The following EEA1 variants were observed in gnomAD, a reference collection of about 807,000 sequenced individuals.
EEA1 encodes early endosome antigen 1, 162kD.
In EEA1, 111 loss-of-function variants were observed where a neutral mutation model predicts 209.2. That is an observed-to-expected ratio of 0.53 (90% CI 0.45 to 0.62). The LOEUF (loss-of-function observed/expected upper bound fraction) is 0.62. EEA1 is among the 20% of genes least tolerant of loss of function. EEA1 has a pLI of 0.00. For missense variants in EEA1, 1,343 were observed against 1,530.8 expected, an observed-to-expected ratio of 0.88 and a Z score of 2.05; for synonymous variants, 536 against 540.6, an observed-to-expected ratio of 0.99 and a Z score of 0.12.
intron 22 of EEA1, among the ~76,000 whole-genome samples, chr12:92,784,487 G>A (rs919420374): frequency 3.3e-5 from 5 of 152,086 alleles, no homozygotes; most frequent in Non-Finnish European, 5.9e-5. Context: ...AAATACCAAC[G>A]CTTGCTAGAG....
chr12:92,860,563 G>A (rs1878099334), intron 3 of EEA1, among the ~76,000 whole-genome samples: 2 of 152,110 alleles, frequency 1.3e-5, no homozygotes, highest in Non-Finnish European at 2.9e-5. Flanking sequence ...TCAATACCAT[G>A]ATTACCATGA....
chr12:92,919,551 T>TC (rs1880902499), intron 1 of EEA1, among the ~76,000 whole-genome samples: 1 of 150,468 alleles, frequency 6.6e-6, no homozygotes, highest in Non-Finnish European at 1.5e-5. Flanking sequence ...CAACAACCCT[T>TC]CATGCTAAAA....
At position 92,827,947 on chromosome 12, in the gene EEA1, C is replaced by A; in HGVS notation, c.1369G>T (p.Asp457Tyr). The change falls in exon 12 of 29, where the codon GAT becomes TAT. Residue 457 changes from aspartate (D) to tyrosine (Y), a missense_variant. This residue lies in a region of EEA1 where 1,307 missense variants were observed against 1,465.5 expected (regional missense o/e 0.89). Coordinates refer to ENST00000322349, the MANE Select transcript of EEA1 (RefSeq NM_003566.4). ...AACCGAGAAAGTTTGAGTTGTAAAT[C>A]AGCCACTTGTTGTTCTTTATCCATC... ...KLMDKEQQVA[D>Y]LQLKLSRLEE... is the part of the protein sequence containing the mutation. The A allele has an allele frequency of 6.3e-7, 1 of 1,579,572 alleles. No individual in the cohort carries two copies. The highest frequency in any genetic ancestry group is 8.6e-7 in the Non-Finnish European group (1 of 1,165,484).
chr12:92,857,995 C>T (rs955328840), intron 3 of EEA1: 4 of 335,326 alleles, frequency 1.2e-5, no homozygotes, highest in Non-Finnish European at 2.2e-5. Context: ...GAGTAGAATG[C>T]CGTCTGCAAC....
intron 21 of EEA1, among the ~76,000 whole-genome samples, chr12:92,791,149 G>A (rs1211229757): frequency 6.6e-6 from 1 of 152,206 alleles, no homozygotes; most frequent in East Asian, 1.9e-4. Context: ...GGTACAACCG[G>A]TACCAGCCAC....
intron 1 of EEA1, among the ~76,000 whole-genome samples, chr12:92,927,429 T>A (rs577163883): frequency 6.6e-6 from 1 of 152,352 alleles, no homozygotes; most frequent in Admixed American, 6.5e-5. Flanking sequence ...AACAGAAGCT[T>A]CTTTAACAGT....
chr12:92,896,461 T>C lies in EEA1; in HGVS notation c.25-4740A>G, dbSNP rs925785633. On this transcript the variant is annotated intron_variant, in intron 1 of 28. Coordinates refer to ENST00000322349, the MANE Select transcript of EEA1 (RefSeq NM_003566.4). The stretch of plus-strand genomic sequence containing the variant: ...AAAGCATCAGCAGCTTTTCGGAGGA[T>C]TGACTCAAGTTTTGAAGGAAGTTCT... Among the ~76,000 whole-genome samples, 4 of 152,290 alleles carry C rather than the reference T, an allele frequency of 2.6e-5. No individual in the cohort carries two copies. The South Asian group carries it at 6.2e-4, about 24-fold the overall frequency.
chr12:92,807,099 G>A (rs575425328), intron 18 of EEA1, among the ~76,000 whole-genome samples: 7 of 152,114 alleles, frequency 4.6e-5, no homozygotes, highest in African/African-American at 1.4e-4. Flanking sequence ...GATTACAGGC[G>A]TGTGCCACCA....
Position 92,773,527 on chromosome 12 carries a change from GTA to G in EEA1, c.*2482_*2483del, listed in dbSNP as rs1432061655. On this transcript the variant is annotated 3_prime_UTR_variant, in exon 29 of 29. Transcript: ENST00000322349. ...CTTTCTATTAAAAAAAAGTCTGTAG[GTA>G]TAGTTTATTGTACACTAACCCAGCA... is the stretch of plus-strand genomic sequence containing the variant. 6.6e-6 allele frequency: 1 copy of G among 151,882 alleles called. No homozygotes were observed. The highest frequency in any genetic ancestry group is 1.5e-5 in the Non-Finnish European group (1 of 67,616). The allele number at this position is 151,882 out of a possible 1,614,324, so 9.4% of individuals were successfully genotyped here.
chr12:92,788,925 C>A (rs908273180), intron 21 of EEA1, among the ~76,000 whole-genome samples: 12 of 152,136 alleles, frequency 7.9e-5, no homozygotes, highest in Non-Finnish European at 1.8e-4. Context: ...TCCTCTGCTA[C>A]TTCTGTGAAT....
intron 3 of EEA1, among the ~76,000 whole-genome samples, chr12:92,864,419 C>G (rs1341533156): frequency 6.6e-6 from 1 of 151,698 alleles, no homozygotes; most frequent in Non-Finnish European, 1.5e-5. Flanking sequence ...AGAAAAATTA[C>G]CAGGAAACAC....
Position 92,929,042 on chromosome 12 carries a change from C to A in EEA1, c.24+1G>T. ...CCAGAAAGACGGTTTCACTCTCTTA[C>A]CCTCTGTAAAATCCTCCTTAACATG... On this transcript the variant is annotated splice_donor_variant, in intron 1 of 28. Transcript: ENST00000322349. LOFTEE classifies it high-confidence loss of function. 2 of 1,597,084 alleles carry A rather than the reference C, an allele frequency of 1.3e-6. No homozygotes were observed. The highest frequency in any genetic ancestry group is 1.7e-6 in the Non-Finnish European group (2 of 1,172,496).
rs1450852764 is a variant in EEA1, at chr12:92,775,408, G to T, written c.*603C>A. On this transcript the variant is annotated 3_prime_UTR_variant, in exon 29 of 29. Transcript: ENST00000322349. ...TATTGTTAAAACAAAAACCATTTTT[G>T]AATTCATATTACTACATATTTTAAG... The T allele has an allele frequency of 6.6e-6, 1 of 151,664 alleles. No homozygotes were observed. Among genetic ancestry groups the T allele is most frequent in the African/African-American group, 2.4e-5 (1 of 41,342 alleles). 9.4% of individuals were successfully genotyped at this position (151,664 alleles called of 1,614,324 possible). A position where few individuals can be genotyped will look rare whatever the true frequency, so the allele number is the denominator to read the frequency against.
intron 2 of EEA1, among the ~76,000 whole-genome samples, chr12:92,881,855 C>A (rs1256655815): frequency 6.6e-6 from 1 of 152,156 alleles, no homozygotes; most frequent in African/African-American, 2.4e-5. Context: ...GTTATTACAG[C>A]TGACCCTCGA....
intron 3 of EEA1, among the ~76,000 whole-genome samples, chr12:92,857,700 T>TACAGGC (rs1877942814): frequency 6.6e-6 from 1 of 152,190 alleles, no homozygotes; most frequent in Non-Finnish European, 1.5e-5. Context: ...GAAAAAACAT[T>TACAGGC]TTCTCATGGA....
In EEA1 at chr12:92,923,845, C is replaced by CAA. The variant is rs200069645; in HGVS notation, c.24+5196_24+5197dup. Among the ~76,000 whole-genome samples the CAA allele has an allele frequency of 3.1e-3, 234 of 75,200 alleles. 1 individual carries two copies. Among genetic ancestry groups the CAA allele is most frequent in the Middle Eastern group, 0.023 (3 of 132 alleles). 49.3% of individuals were successfully genotyped at this position (75,200 alleles called of 152,430 possible). On this transcript the variant is annotated intron_variant, in intron 1 of 28. Transcript: ENST00000322349. Reference sequence around the variant, plus strand: ...TCTAAGTCCTCATCTACCTCATCTACAAAAAAAAAAAAAAAAAATGGAGAT... The same window carrying CAA: ...TCTAAGTCCTCATCTACCTCATCTACAAAAAAAAAAAAAAAAAAAATGGAGAT...
At chr12:92,844,003 T>C (rs779702899) in intron 9 of EEA1, among the ~76,000 whole-genome samples, 9 of 152,262 alleles carry the variant, frequency 5.9e-5, no homozygotes, top group East Asian at 1.9e-4. Context: ...TCCTCATCCA[T>C]TTTATGGTGG....
Position 92,929,043 on chromosome 12 carries a change from C to T in EEA1, c.24G>A (p.Arg8=). Residue 8 remains arginine (R), a splice_region_variant and synonymous_variant, in exon 1 of 29, where the codon AGG becomes AGA. Transcript: ENST00000322349. MLRRILQ[R]TPGRVGSQGS... ...CAGAAAGACGGTTTCACTCTCTTAC[C>T]CTCTGTAAAATCCTCCTTAACATGG... The T allele has an allele frequency of 1.3e-6, 2 of 1,597,442 alleles. No individual in the cohort carries two copies. Among genetic ancestry groups the T allele is most frequent in the Non-Finnish European group, 1.7e-6 (2 of 1,172,644 alleles).
rs955159955 is a variant in EEA1 at position 92,811,400 on chromosome 12, A to G, written c.2078T>C (p.Val693Ala). ...TTGCTTGTCTTGTAACTTTGCAGTGACCTGATCCAACTGAGTAGTAATCTT... is the reference window on the plus strand; with the variant it reads ...TTGCTTGTCTTGTAACTTTGCAGTGGCCTGATCCAACTGAGTAGTAATCTT... ...LNKITTQLDQ[V>A]TAKLQDKQEH... Residue 693 changes from valine (V) to alanine (A), a missense_variant, in exon 17 of 29, where the codon GTC becomes GCC. Physicochemically the swap from Val to Ala is moderately conservative, Grantham distance 64. Coordinates refer to ENST00000322349, the MANE Select transcript of EEA1 (RefSeq NM_003566.4). 16 of 1,592,852 alleles carry G rather than the reference A, an allele frequency of 1.0e-5. No homozygotes were observed. The highest frequency in any genetic ancestry group is 1.8e-5 in the Admixed American group (1 of 56,896).
Sources: allele counts gnomAD v4.1 joint callset (sites outside exome capture counted in the v4.1 genomes callset), GRCh38; gene constraint gnomAD v4.1.1; regional missense constraint gnomAD v4.1.1; transcripts MANE v1.5; gene names NCBI Gene and HGNC (gene_info 2026-07-23, HGNC 2026-07-21).